The following RFX3 variants were observed in gnomAD, a reference collection of about 807,000 sequenced individuals.
RFX3 encodes transcription factor RFX3.
A neutral mutation model predicts 98.6 loss-of-function variants in RFX3; 14 were observed. That is an observed-to-expected ratio of 0.14 (90% CI 0.09 to 0.22). The LOEUF (loss-of-function observed/expected upper bound fraction) is 0.22. Ranked by LOEUF, RFX3 falls within the 10% of genes least tolerant of loss-of-function variation. The pLI is 1.00. For missense variants in RFX3, 639 were observed against 926.9 expected, an observed-to-expected ratio of 0.69 and a Z score of 4.03; for synonymous variants, 383 against 328.4, an observed-to-expected ratio of 1.17 and a Z score of -1.80.
At chr9:3,241,668 T>C (rs769549658) in intron 15 of RFX3, among the ~76,000 whole-genome samples, 10 of 152,234 alleles carry the variant, frequency 6.6e-5, no homozygotes, top group South Asian at 2.1e-4. Flanking sequence ...CTAATGTAGA[T>C]GAGCAGATTT....
rs184890789 is a variant in RFX3, at chr9:3,268,183, T to C, written c.1358-1878A>G. 3.9e-5 allele frequency among the ~76,000 whole-genome samples: 6 copies of C among 151,998 alleles called. No homozygotes were observed. The East Asian group carries it at 1.2e-3, about 29-fold the overall frequency. ...TTTCAGATAACTGCATTTTAGAATA[T>C]AGTAGCTTCAAGCTGACATTAAATT... On this transcript the variant is annotated intron_variant, in intron 11 of 16. Transcript: ENST00000617270.
At chr9:3,350,352 C>G (rs1056473672) in intron 2 of RFX3, among the ~76,000 whole-genome samples, 6 of 152,102 alleles carry the variant, frequency 3.9e-5, no homozygotes, top group African/African-American at 1.4e-4. Flanking sequence ...ATTCTCCCAT[C>G]ATAAGATACC....
At chr9:3,378,831 C>T (rs2131664371) in intron 2 of RFX3, among the ~76,000 whole-genome samples, 1 of 152,264 alleles carries the variant, frequency 6.6e-6, no homozygotes, top group East Asian at 1.9e-4. Context: ...GCTGGGATTA[C>T]AGGCGTGAAC....
intron 1 of RFX3, among the ~76,000 whole-genome samples, chr9:3,453,950 C>A (rs1183165104): frequency 1.3e-5 from 2 of 151,986 alleles, no homozygotes; most frequent in Non-Finnish European, 2.9e-5. Flanking sequence ...TTAACTTGGG[C>A]ATCAGTTTTT....
intron 5 of RFX3, among the ~76,000 whole-genome samples, chr9:3,295,743 T>C (rs530057814): frequency 1.3e-5 from 2 of 152,182 alleles, no homozygotes; most frequent in Non-Finnish European, 2.9e-5. Flanking sequence ...AAGAACTCAA[T>C]ATTGCTTCCT....
intron 1 of RFX3, 140 bp from the exon 2 acceptor site, chr9:3,395,736 C>T: frequency 1.2e-6 from 1 of 810,682 alleles, no homozygotes; most frequent in South Asian, 1.8e-5. Flanking sequence ...CCATGACAGT[C>T]CGTGCATGTG....
At chr9:3,275,104 T>G (rs1226914413) in intron 9 of RFX3, among the ~76,000 whole-genome samples, 1 of 151,812 alleles carries the variant, frequency 6.6e-6, no homozygotes, top group East Asian at 1.9e-4. Context: ...ATACCATATT[T>G]TATTTATGCA....
In RFX3 at chr9:3,222,094, A is replaced by G. The variant is rs907782715; in HGVS notation, c.*2948T>C. On this transcript the variant is annotated 3_prime_UTR_variant, in exon 17 of 17. Coordinates refer to ENST00000617270, the MANE Select transcript of RFX3 (RefSeq NM_001282116.2). ...GTGATTGCTCAATTTGCTCAAATGT[A>G]TAAATTGTTTTTATTTTCTTATATA... is the stretch of plus-strand genomic sequence containing the variant. 2.0e-5 allele frequency: 3 copies of G among 152,190 alleles called. No individual in the cohort carries two copies. Among genetic ancestry groups the G allele is most frequent in the Non-Finnish European group, 4.4e-5 (3 of 67,996 alleles). The allele number at this position is 152,190 out of a possible 1,614,324, so 9.4% of individuals were successfully genotyped here. A position where few individuals can be genotyped will look rare whatever the true frequency, so the allele number is the denominator to read the frequency against.
At chr9:3,248,865 A>G (rs928042478) in intron 14 of RFX3, among the ~76,000 whole-genome samples, 18 of 152,220 alleles carry the variant, frequency 1.2e-4, no homozygotes, top group African/African-American at 4.3e-4. Context: ...TTTAAAGTAT[A>G]TAATACGAAA....
chr9:3,454,547 C>G (rs1846977664), intron 1 of RFX3, among the ~76,000 whole-genome samples: 1 of 152,148 alleles, frequency 6.6e-6, no homozygotes. Flanking sequence ...CATGGACCCG[C>G]TATAAATGTT....
At chr9:3,462,377 G>T (rs1483327078) in intron 1 of RFX3, among the ~76,000 whole-genome samples, 1 of 151,942 alleles carries the variant, frequency 6.6e-6, no homozygotes, top group Non-Finnish European at 1.5e-5. Context: ...CAGCAAACTG[G>T]CAATTGAAGA....
intron 1 of RFX3, among the ~76,000 whole-genome samples, chr9:3,454,922 C>A (rs920649534): frequency 1.3e-5 from 2 of 152,166 alleles, no homozygotes; most frequent in African/African-American, 4.8e-5. Context: ...GAGACTCATA[C>A]CCAAGTCTCC....
chr9:3,297,765 G>C (rs1563882419), intron 5 of RFX3, among the ~76,000 whole-genome samples: 1 of 151,926 alleles, frequency 6.6e-6, no homozygotes, highest in Non-Finnish European at 1.5e-5. Context: ...ATAATTATTT[G>C]CTAGATTGTG....
chr9:3,427,858 C>G (rs1844266938), intron 1 of RFX3, among the ~76,000 whole-genome samples: 1 of 152,042 alleles, frequency 6.6e-6, no homozygotes, highest in Non-Finnish European at 1.5e-5. Flanking sequence ...TTCTGGATCC[C>G]CATTTCTGTG....
intron 2 of RFX3, among the ~76,000 whole-genome samples, chr9:3,354,044 G>A (rs1835458317): frequency 6.6e-6 from 1 of 151,916 alleles, no homozygotes; most frequent in African/African-American, 2.4e-5. Context: ...TCACTGGTTA[G>A]GATTAAAAGC....
intron 2 of RFX3, among the ~76,000 whole-genome samples, chr9:3,375,643 G>C (rs189390016): frequency 5.9e-5 from 9 of 152,266 alleles, no homozygotes; most frequent in African/African-American, 1.9e-4. Flanking sequence ...ACCTATGTGA[G>C]TGTATTATAG....
chr9:3,453,450 T>C (rs1846854887), intron 1 of RFX3: 2 of 151,968 alleles, frequency 1.3e-5, no homozygotes, highest in African/African-American at 4.8e-5. Flanking sequence ...CCTGTAATGC[T>C]GGCAATGTCA....
At chr9:3,437,107 T>G (rs1346931108) in intron 1 of RFX3, among the ~76,000 whole-genome samples, 1 of 152,054 alleles carries the variant, frequency 6.6e-6, no homozygotes. Context: ...CTGTAGATAT[T>G]TAGTTGTTTT....
intron 4 of RFX3, among the ~76,000 whole-genome samples, chr9:3,312,862 C>T (rs1830127049): frequency 6.6e-6 from 1 of 152,222 alleles, no homozygotes; most frequent in Admixed American, 6.5e-5. Context: ...AACAAAGCGG[C>T]CTGGAAGCTC....
Sources: gnomAD v4.1 joint callset for allele counts (sites outside exome capture counted in the v4.1 genomes callset) on GRCh38, gnomAD v4.1.1 for gene constraint, MANE v1.5 for transcripts, NCBI Gene and HGNC (gene_info 2026-07-23, HGNC 2026-07-21) for gene names.